The following SYNDIG1L variants were observed in gnomAD, a reference collection of about 807,000 sequenced individuals.
SYNDIG1L encodes the protein synapse differentiation-inducing gene protein 1-like.
Under a neutral mutation model 20.1 loss-of-function variants are expected in SYNDIG1L, and 13 were observed. The observed-to-expected ratio is 0.65, with a 90% confidence interval of 0.42 to 1.03. SYNDIG1L has a LOEUF of 1.03. Ranked by LOEUF, SYNDIG1L falls within the 50% of genes least tolerant of loss-of-function variation. SYNDIG1L has a pLI of 0.00. For missense variants in SYNDIG1L, 294 were observed against 305.1 expected (o/e 0.96, Z 0.27); for synonymous variants, 128 against 129.3 (o/e 0.99, Z 0.07).
the SYNDIG1L span, among the ~76,000 whole-genome samples, chr14:74,446,615 CTTT>C: frequency 7.2e-6 from 1 of 139,276 alleles, no homozygotes; most frequent in Non-Finnish European, 1.5e-5. Flanking sequence ...TATGTGCTGG[CTTT>C]TTTTTTTTTT....
chr14:74,407,313 G>A lies in SYNDIG1L; in HGVS notation c.*222C>T. On this transcript the variant is annotated 3_prime_UTR_variant, in exon 4 of 4. Transcript: ENST00000331628. ...CCTTCTGTTTCCCGTCTGTAGCCTG[G>A]GTTAGAGAGTGGCGCCCCGGGCCCT... The A allele has an allele frequency of 1.6e-6, 1 of 637,292 alleles. No homozygotes were observed. The highest frequency in any genetic ancestry group is 2.7e-6 in the Non-Finnish European group (1 of 373,730). 39.5% of individuals were successfully genotyped at this position (637,292 alleles called of 1,614,324 possible).
At chr14:74,441,162 G>T in the SYNDIG1L span, among the ~76,000 whole-genome samples, 2 of 152,250 alleles carry the variant, frequency 1.3e-5, no homozygotes, top group African/African-American at 4.8e-5. Context: ...TTTGCTTGTC[G>T]GATAGCCCTT....
the SYNDIG1L span, among the ~76,000 whole-genome samples, chr14:74,470,485 A>G: frequency 1.3e-5 from 2 of 152,198 alleles, no homozygotes; most frequent in Non-Finnish European, 1.5e-5. Flanking sequence ...TAGGGACACA[A>G]TGCATTGGAA....
At chr14:74,448,563 C>G in the SYNDIG1L span, among the ~76,000 whole-genome samples, 2 of 152,084 alleles carry the variant, frequency 1.3e-5, no homozygotes, top group African/African-American at 2.4e-5. Flanking sequence ...TTTAATACAG[C>G]AACCTCTTCT....
chr14:74,429,059 G>A (rs961517516), upstream of SYNDIG1L, among the ~76,000 whole-genome samples: 9 of 152,024 alleles, frequency 5.9e-5, no homozygotes, highest in African/African-American at 2.2e-4. Flanking sequence ...TTTTCCCTTT[G>A]GTTCCTAGAA....
At chr14:74,464,152 C>G in the SYNDIG1L span, among the ~76,000 whole-genome samples, 3 of 152,176 alleles carry the variant, frequency 2.0e-5, no homozygotes, top group African/African-American at 7.2e-5. Context: ...TGAAAGAGGC[C>G]AGAGGGTAGG....
At chr14:74,466,189 G>C in the SYNDIG1L span, among the ~76,000 whole-genome samples, 57 of 152,288 alleles carry the variant, frequency 3.7e-4, no homozygotes, top group East Asian at 5.4e-3. Flanking sequence ...GGCAGGGTGG[G>C]GTCTTGTGCT....
chr14:74,409,789 C>T lies in SYNDIG1L; in HGVS notation c.-45G>A. ...GGGAGGGGGGCCTGGGCCAGCTGAG[C>T]AGTCCTCAGAGCCTGTCAGAAGAGC... On this transcript the variant is annotated 5_prime_UTR_variant, in exon 2 of 4. Transcript: ENST00000331628. 7 of 1,412,900 alleles carry T rather than the reference C, an allele frequency of 5.0e-6. No individual in the cohort carries two copies. The highest frequency in any genetic ancestry group is 6.5e-6 in the Non-Finnish European group (7 of 1,079,512). The allele number at this position is 1,412,900 out of a possible 1,614,324, so 87.5% of individuals were successfully genotyped here.
chr14:74,457,742 C>T, the SYNDIG1L span, among the ~76,000 whole-genome samples: 1 of 152,016 alleles, frequency 6.6e-6, no homozygotes, highest in Non-Finnish European at 1.5e-5. Context: ...TTGCCTCTCT[C>T]CAAAGCTTAT....
At chr14:74,440,719 AC>A in the SYNDIG1L span, among the ~76,000 whole-genome samples, 1 of 152,110 alleles carries the variant, frequency 6.6e-6, no homozygotes, top group Non-Finnish European at 1.5e-5. Flanking sequence ...CAATATCTAA[AC>A]ATATAGAATA....
Position 74,407,916 on chromosome 14 carries a change from AGTCCCAGGTGGTCCCT to A in SYNDIG1L, c.475_490del (p.Arg159LeufsTer46). 6.2e-7 allele frequency: 1 copy of A among 1,613,860 alleles called. No individual in the cohort carries two copies. The highest frequency in any genetic ancestry group is 1.1e-5 in the South Asian group (1 of 91,048). On this transcript the variant is annotated frameshift_variant, in exon 3 of 4. Coordinates refer to ENST00000331628, the MANE Select transcript of SYNDIG1L (RefSeq NM_001105579.2). LOFTEE classifies it high-confidence loss of function. ...GCAGCAGAGCATGGAGAAGAGAGTA[AGTCCCAGGTGGTCCCT>A]GGGAGGCAGCGTGAGGAAGTTGTCT...
At chr14:74,417,672 A>C (rs1238949391) in intron 1 of SYNDIG1L, among the ~76,000 whole-genome samples, 1 of 152,218 alleles carries the variant, frequency 6.6e-6, no homozygotes, top group Non-Finnish European at 1.5e-5. Context: ...GGTTTGATTT[A>C]GTCTAAAGCC....
rs756561574 is a variant in SYNDIG1L, at chr14:74,409,566, AGGGACCCTGGGTCCAGGAGCTGGT to A, written c.155_178del (p.His52_Ser59del). 53 of 1,529,144 alleles carry A rather than the reference AGGGACCCTGGGTCCAGGAGCTGGT, an allele frequency of 3.5e-5. No homozygotes were observed. The highest frequency in any genetic ancestry group is 4.3e-5 in the Non-Finnish European group (49 of 1,139,090). 94.7% of individuals were successfully genotyped at this position (1,529,144 alleles called of 1,614,324 possible). A position where few individuals can be genotyped will look rare whatever the true frequency, so the allele number is the denominator to read the frequency against. On this transcript the variant is annotated inframe_deletion, in exon 2 of 4. Coordinates refer to ENST00000331628, the MANE Select transcript of SYNDIG1L (RefSeq NM_001105579.2). ...GTACCAGGCCTCCACGGCCAGCTGC[AGGGACCCTGGGTCCAGGAGCTGGT>A]GGGCTCCGGCAGGCCCAGCGCCACC...
the SYNDIG1L span, among the ~76,000 whole-genome samples, chr14:74,449,943 T>C: frequency 6.6e-6 from 1 of 152,088 alleles, no homozygotes; most frequent in Non-Finnish European, 1.5e-5. Flanking sequence ...AACCAAATGA[T>C]AGTTCTTTAT....
chr14:74,477,031 C>A, the SYNDIG1L span, among the ~76,000 whole-genome samples: 1 of 142,252 alleles, frequency 7.0e-6, no homozygotes, highest in Non-Finnish European at 1.5e-5. Context: ...CCCCCCAGCC[C>A]CATTCCCAAC....
chr14:74,472,919 G>T, the SYNDIG1L span, among the ~76,000 whole-genome samples: 30 of 152,284 alleles, frequency 2.0e-4, no homozygotes, highest in Non-Finnish European at 3.4e-4. Context: ...AGTCAGAGGA[G>T]GGGGGCGGAA....
the SYNDIG1L span, among the ~76,000 whole-genome samples, chr14:74,444,320 A>G: frequency 4.3e-4 from 66 of 151,934 alleles, no homozygotes; most frequent in Non-Finnish European, 7.9e-4. Flanking sequence ...TCGGCCTCCC[A>G]AAGTGCTGAG....
rs759570698 is a variant in SYNDIG1L, at chr14:74,409,774, C to T, written c.-30G>A. On this transcript the variant is annotated 5_prime_UTR_variant, in exon 2 of 4. Transcript: ENST00000331628. The stretch of plus-strand genomic sequence containing the variant: ...CTGGGGCAGCTGCTGGGGAGGGGGG[C>T]CTGGGCCAGCTGAGCAGTCCTCAGA... The T allele has an allele frequency of 2.2e-5, 31 of 1,411,270 alleles. 1 individual carries two copies. The South Asian group carries it at 4.0e-4, about 18-fold the overall frequency. The allele number at this position is 1,411,270 out of a possible 1,614,324, so 87.4% of individuals were successfully genotyped here.
Position 74,407,399 on chromosome 14 carries a change from A to C in SYNDIG1L, c.*136T>G. The stretch of plus-strand genomic sequence containing the variant: ...AAGGCTGAGCTCTGCAGGCTGTGGA[A>C]TGGGGGTCTCCCCCTCAGCAAGCCA... On this transcript the variant is annotated 3_prime_UTR_variant, in exon 4 of 4. Transcript: ENST00000331628. 1 of 1,243,030 alleles carries C rather than the reference A, an allele frequency of 8.0e-7. No individual in the cohort carries two copies. Among genetic ancestry groups the C allele is most frequent in the Non-Finnish European group, 1.1e-6 (1 of 894,952 alleles). The allele number at this position is 1,243,030 out of a possible 1,614,324, so 77.0% of individuals were successfully genotyped here.
Sources: gnomAD v4.1 joint callset for allele counts (sites outside exome capture counted in the v4.1 genomes callset) on GRCh38, gnomAD v4.1.1 for gene constraint, MANE v1.5 for transcripts, NCBI Gene and HGNC (gene_info 2026-07-23, HGNC 2026-07-21) for gene names.